Variants in CSGALNACT1 observed in about 807,000 individuals in gnomAD.
CSGALNACT1 encodes the protein chondroitin sulfate N-acetylgalactosaminyltransferase 1, also known as beta4GalNAcT-1.
A neutral mutation model predicts 51.0 loss-of-function variants in CSGALNACT1; 52 were observed. The observed-to-expected ratio is 1.02, with a 90% CI of 0.82 to 1.29. The LOEUF (loss-of-function observed/expected upper bound fraction) is 1.29. Ranked by LOEUF, CSGALNACT1 falls within the 50% of genes most tolerant of loss-of-function variation. The pLI is 0.00. For missense variants in CSGALNACT1, 935 were observed against 679.2 expected (o/e 1.38, Z -4.19); for synonymous variants, 341 against 254.4 (o/e 1.34, Z -3.24).
chr8:19,577,750 G>A (rs780242467), intron 3 of CSGALNACT1, among the ~76,000 whole-genome samples: 8 of 152,006 alleles, frequency 5.3e-5, no homozygotes, highest in East Asian at 3.9e-4. Flanking sequence ...CTTTCCAGCC[G>A]TCTGACTTGA....
At chr8:19,469,190 G>C (rs1261468764) in intron 4 of CSGALNACT1, among the ~76,000 whole-genome samples, 1 of 152,132 alleles carries the variant, frequency 6.6e-6, no homozygotes, top group African/African-American at 2.4e-5. Flanking sequence ...AAGAGTTCGA[G>C]AGCAGTCTGG....
At chr8:19,460,412 G>C (rs1268307669) in intron 4 of CSGALNACT1, among the ~76,000 whole-genome samples, 2 of 152,084 alleles carry the variant, frequency 1.3e-5, no homozygotes, top group Admixed American at 6.6e-5. Context: ...GTATGTATGG[G>C]GAAAAACATA....
chr8:19,484,101 T>G (rs2072232342), intron 4 of CSGALNACT1, among the ~76,000 whole-genome samples: 1 of 152,210 alleles, frequency 6.6e-6, no homozygotes. Context: ...GCTGTCACAG[T>G]GATCAGATCA....
In CSGALNACT1 at chr8:19,425,550, T is replaced by C. The variant is rs75494284; in HGVS notation, c.954-5032A>G. On this transcript the variant is annotated intron_variant, in intron 6 of 9. Transcript: ENST00000454498. Reference sequence around the variant, plus strand: ...CTCTTTTTGCATGTAAAACAGAGAATTACTGAGGCTAATCAGAGCCTCACA... The same window carrying C: ...CTCTTTTTGCATGTAAAACAGAGAACTACTGAGGCTAATCAGAGCCTCACA... Among the ~76,000 whole-genome samples, 955 of 152,258 alleles carry C rather than the reference T, an allele frequency of 6.3e-3. 9 individuals are homozygous for C. The highest frequency in any genetic ancestry group is 0.022 in the African/African-American group (905 of 41,540).
At chr8:19,720,342 T>A (rs967722760) in intron 1 of CSGALNACT1, among the ~76,000 whole-genome samples, 1 of 152,054 alleles carries the variant, frequency 6.6e-6, no homozygotes, top group African/African-American at 2.4e-5. Flanking sequence ...CAGGGAGAGA[T>A]AAGAAACTCG....
At chr8:19,423,054 G>C in intron 6 of CSGALNACT1, among the ~76,000 whole-genome samples, 1 of 152,112 alleles carries the variant, frequency 6.6e-6, no homozygotes, top group East Asian at 1.9e-4. Context: ...TCCTCACTCA[G>C]GTTGCACCTG....
chr8:19,429,343 A>C (rs1312559209), intron 6 of CSGALNACT1, among the ~76,000 whole-genome samples: 1 of 151,824 alleles, frequency 6.6e-6, no homozygotes, highest in African/African-American at 2.4e-5. Flanking sequence ...CACCTGGCTA[A>C]TTTTTATATT....
chr8:19,652,987 C>A (rs1389473372), intron 1 of CSGALNACT1, among the ~76,000 whole-genome samples: 1 of 152,194 alleles, frequency 6.6e-6, no homozygotes, highest in Non-Finnish European at 1.5e-5. Context: ...TTGCCCTCCT[C>A]TCTTTATATA....
chr8:19,513,436 C>CTCTCTCTCTCTCTCTCTCTA, intron 3 of CSGALNACT1, among the ~76,000 whole-genome samples: 1 of 81,982 alleles, frequency 1.2e-5, no homozygotes, highest in African/African-American at 3.6e-5. Context: ...CTCTCTCTCT[C>CTCTCTCTCTCTCTCTCTCTA]TATATATATA....
At chr8:19,482,574 T>C (rs1376633237) in intron 4 of CSGALNACT1, among the ~76,000 whole-genome samples, 1 of 152,186 alleles carries the variant, frequency 6.6e-6, no homozygotes, top group Non-Finnish European at 1.5e-5. Context: ...CTTTCTCTCC[T>C]TGTGTTTTGA....
intron 1 of CSGALNACT1, among the ~76,000 whole-genome samples, chr8:19,654,869 A>T (rs2058119292): frequency 6.6e-6 from 1 of 152,142 alleles, no homozygotes. Flanking sequence ...TTTTTAAAGT[A>T]AAATTTTTCA....
At chr8:19,406,245 C>T (rs551226946) in intron 9 of CSGALNACT1, among the ~76,000 whole-genome samples, 176 bp from the exon 9 acceptor site, 1 of 152,096 alleles carries the variant, frequency 6.6e-6, no homozygotes, top group Non-Finnish European at 1.5e-5. Context: ...AATTCCCCAA[C>T]AAAGACGACT....
chr8:19,428,841 G>A lies in CSGALNACT1; in HGVS notation c.954-8323C>T, dbSNP rs868753762. The stretch of plus-strand genomic sequence containing the variant: ...AGACATGATATGTGTGTGTGTGTGT[G>A]TGTGTGTGTGTGTGTGTGTGTGTGT... On this transcript the variant is annotated intron_variant, in intron 6 of 9. Coordinates refer to ENST00000454498, the Ensembl canonical transcript of CSGALNACT1. Among the ~76,000 whole-genome samples, 325 of 128,772 alleles carry A rather than the reference G, an allele frequency of 2.5e-3. 5 individuals are homozygous for A. The highest frequency in any genetic ancestry group is 4.3e-3 in the Middle Eastern group (1 of 230). 84.5% of individuals were successfully genotyped at this position (128,772 alleles called of 152,430 possible). A position where few individuals can be genotyped will look rare whatever the true frequency, so the allele number is the denominator to read the frequency against.
At chr8:19,584,715 G>A (rs2046271454) in intron 3 of CSGALNACT1, among the ~76,000 whole-genome samples, 1 of 152,220 alleles carries the variant, frequency 6.6e-6, no homozygotes, top group African/African-American at 2.4e-5. Flanking sequence ...GTATGTCCTA[G>A]AATGACTGCT....
intron 1 of CSGALNACT1, among the ~76,000 whole-genome samples, chr8:19,746,865 C>A (rs912368136): frequency 6.6e-6 from 1 of 152,336 alleles, no homozygotes; most frequent in South Asian, 2.1e-4. Flanking sequence ...ACCTTCTTTC[C>A]TACACGATGG....
chr8:19,676,912 A>C (rs532388661), intron 1 of CSGALNACT1, among the ~76,000 whole-genome samples: 3 of 152,320 alleles, frequency 2.0e-5, no homozygotes, highest in Non-Finnish European at 2.9e-5. Flanking sequence ...CCCGATTAGA[A>C]CTGAGAGCAA....
chr8:19,404,867 C>A (rs1266118838), exon 10 of CSGALNACT1: 1 of 454,352 alleles, frequency 2.2e-6, no homozygotes, highest in East Asian at 6.9e-5. Context: ...TTCAGTTGCT[C>A]CTCTTCGAAA....
intron 6 of CSGALNACT1, 147 bp from the exon 6 acceptor site, chr8:19,420,665 G>T (rs562506030): frequency 4.8e-6 from 4 of 825,024 alleles, no homozygotes; most frequent in African/African-American, 1.7e-5. Flanking sequence ...GTTACAGAAC[G>T]GCCCAGACTC....
chr8:19,622,195 T>A (rs568653715), intron 1 of CSGALNACT1, among the ~76,000 whole-genome samples: 1 of 152,358 alleles, frequency 6.6e-6, no homozygotes, highest in Admixed American at 6.5e-5. Flanking sequence ...TTCCTCCAGG[T>A]CATCATTAAA....
Sources: allele counts gnomAD v4.1 joint callset (sites outside exome capture counted in the v4.1 genomes callset), GRCh38; gene constraint gnomAD v4.1.1; transcripts MANE v1.5; gene names NCBI Gene and HGNC (gene_info 2026-07-23, HGNC 2026-07-21).